CBL: variants seen among roughly 807,000 people sequenced by gnomAD.
The protein encoded by CBL is Cbl proto-oncogene, also known as E3 ubiquitin-protein ligase CBL.
In CBL, 45 loss-of-function variants were observed where a neutral mutation model predicts 96.9. That is an observed-to-expected ratio of 0.46 (90% confidence interval 0.37 to 0.60). CBL has a LOEUF of 0.60. Ranked by LOEUF, CBL falls within the 20% of genes least tolerant of loss-of-function variation. CBL has a pLI of 0.00. For missense variants in CBL, 1,024 were observed against 1,143.5 expected (o/e 0.90, Z 1.51); for synonymous variants, 420 against 426.8 (o/e 0.98, Z 0.20).
intron 2 of CBL, among the ~76,000 whole-genome samples, chr11:119,248,023 A>T (rs1027868849): frequency 1.3e-5 from 2 of 152,244 alleles, no homozygotes; most frequent in African/African-American, 4.8e-5. Context: ...ATGGATTATA[A>T]CTTAGAATTG....
intron 2 of CBL, among the ~76,000 whole-genome samples, chr11:119,265,453 A>G (rs1318964084): frequency 1.3e-5 from 2 of 152,240 alleles, no homozygotes; most frequent in African/African-American, 4.8e-5. Flanking sequence ...CTGTTCATTT[A>G]AATTCCCTAA....
At chr11:119,249,669 T>TC (rs1949657078) in intron 2 of CBL, among the ~76,000 whole-genome samples, 1 of 151,168 alleles carries the variant, frequency 6.6e-6, no homozygotes, top group Non-Finnish European at 1.5e-5. Flanking sequence ...TTTCTTTCTT[T>TC]TTTTTTTTTT....
In CBL at chr11:119,304,488, A is replaced by G; in HGVS notation, c.*4707A>G. On this transcript the variant is annotated 3_prime_UTR_variant, in exon 16 of 16. Transcript: ENST00000264033. ...TTCTTGGGTGGAGCTGGAACTGCAG[A>G]GCTTTGCACCTAGTCCTTTCTCCCG... The G allele has an allele frequency of 4.3e-6, 1 of 233,160 alleles. No homozygotes were observed. Among genetic ancestry groups the G allele is most frequent in the Non-Finnish European group, 8.5e-6 (1 of 118,020 alleles). The allele number at this position is 233,160 out of a possible 1,614,324, so 14.4% of individuals were successfully genotyped here. A position where few individuals can be genotyped will look rare whatever the true frequency, so the allele number is the denominator to read the frequency against.
chr11:119,257,905 G>A (rs1005489263), intron 2 of CBL, among the ~76,000 whole-genome samples: 26 of 152,068 alleles, frequency 1.7e-4, no homozygotes, highest in Admixed American at 6.6e-4. Flanking sequence ...TTCCATTGGT[G>A]TATTAGTCCA....
Position 119,306,714 on chromosome 11 carries a change from C to A in CBL, c.*6933C>A, listed in dbSNP as rs886047807. ...TCTCCTGCTGTCTGGGTGAGTGAGC[C>A]TGCAACGCAATGCCCATGAGAGTAA... On this transcript the variant is annotated 3_prime_UTR_variant, in exon 16 of 16. Coordinates refer to ENST00000264033, the MANE Select transcript of CBL (RefSeq NM_005188.4). The A allele has an allele frequency of 3.9e-6, 1 of 254,378 alleles. No individual in the cohort carries two copies. The highest frequency in any genetic ancestry group is 5.5e-5 in the Admixed American group (1 of 18,262). 15.8% of individuals were successfully genotyped at this position (254,378 alleles called of 1,614,324 possible). A position where few individuals can be genotyped will look rare whatever the true frequency, so the allele number is the denominator to read the frequency against.
chr11:119,285,335 C>T lies in CBL; in HGVS notation c.1710C>T (p.Gly570=), dbSNP rs751529479. 4 of 1,614,140 alleles carry T rather than the reference C, an allele frequency of 2.5e-6. No individual in the cohort carries two copies. Among genetic ancestry groups the T allele is most frequent in the African/African-American group, 1.3e-5 (1 of 75,026 alleles). Reference sequence around the variant, plus strand: ...GACGCCCCTTGCCTTGTACACCAGGCGACTGTCCCTCCAGAGACAAACTGC... The same window carrying T: ...GACGCCCCTTGCCTTGTACACCAGGTGACTGTCCCTCCAGAGACAAACTGC... ...PQRRPLPCTP[G]DCPSRDKLPP... is the part of the protein sequence containing the mutation. The change falls in exon 11 of 16, where the codon GGC becomes GGT. Residue 570 remains glycine (G), a synonymous_variant. Coordinates refer to ENST00000264033, the MANE Select transcript of CBL (RefSeq NM_005188.4).
At chr11:119,238,369 CT>C (rs1168950740) in intron 2 of CBL, among the ~76,000 whole-genome samples, 1 of 151,992 alleles carries the variant, frequency 6.6e-6, no homozygotes, top group African/African-American at 2.4e-5. Flanking sequence ...ACCACAACCC[CT>C]GGCTAAGTTT....
chr11:119,305,267 T>C lies in CBL; in HGVS notation c.*5486T>C, dbSNP rs1262145481. On this transcript the variant is annotated 3_prime_UTR_variant, in exon 16 of 16. Transcript: ENST00000264033. ...TGTCAGTCTTCGCATCCAAGATTTCTTCCCTCCCTCTTGTGGGCCAGCCTG... is the reference window on the plus strand; with the variant it reads ...TGTCAGTCTTCGCATCCAAGATTTCCTCCCTCCCTCTTGTGGGCCAGCCTG... 8.6e-6 allele frequency: 2 copies of C among 231,704 alleles called. No individual in the cohort carries two copies. Among genetic ancestry groups the C allele is most frequent in the African/African-American group, 4.4e-5 (2 of 45,256 alleles). The allele number at this position is 231,704 out of a possible 1,614,324, so 14.4% of individuals were successfully genotyped here. A position where few individuals can be genotyped will look rare whatever the true frequency, so the allele number is the denominator to read the frequency against.
intron 1 of CBL, among the ~76,000 whole-genome samples, chr11:119,211,160 T>G (rs1448914064): frequency 6.6e-6 from 1 of 151,996 alleles, no homozygotes; most frequent in Non-Finnish European, 1.5e-5. Context: ...TCATCTGAGG[T>G]CAGGAGTTCG....
chr11:119,287,999 C>G (rs994321508), intron 12 of CBL, 53 bp downstream of exon 12: 38 of 1,247,862 alleles, frequency 3.0e-5, no homozygotes, highest in Non-Finnish European at 4.1e-5. Context: ...TTGTAAAAAG[C>G]TTACTTGCAG....
At chr11:119,290,674 T>C (rs1950020308) in intron 12 of CBL, among the ~76,000 whole-genome samples, 1 of 150,132 alleles carries the variant, frequency 6.7e-6, no homozygotes. Context: ...TGTTTTGTTT[T>C]GTTTAGTATG....
At chr11:119,211,147 G>A (rs922488360) in intron 1 of CBL, among the ~76,000 whole-genome samples, 7 of 152,084 alleles carry the variant, frequency 4.6e-5, no homozygotes, top group African/African-American at 1.4e-4. Flanking sequence ...CGAGGCAAGC[G>A]GATCATCTGA....
intron 1 of CBL, among the ~76,000 whole-genome samples, chr11:119,227,091 C>T (rs1341325950): frequency 1.3e-5 from 2 of 152,288 alleles, no homozygotes; most frequent in Non-Finnish European, 2.9e-5. Flanking sequence ...GATAGCTATT[C>T]AGTGGAAACT....
At position 119,299,590 on chromosome 11, in the gene CBL, A is replaced by C. The variant is rs587778159; in HGVS notation, c.2530A>C (p.Ser844Arg). Residue 844 changes from serine (S) to arginine (R), a missense_variant, in exon 16 of 16, where the codon AGT (serine) becomes CGT (arginine). Ser to Arg is a moderately radical substitution (Grantham distance 110). Transcript: ENST00000264033. ...ERKAGSCQQG[S>R]GPAASAATAS... is the part of the protein sequence containing the mutation. ...GAAAGCTGGCAGCTGTCAGCAAGGTAGTGGTCCTGCCGCCTCTGCTGCCAC... is the reference window on the plus strand; with the variant it reads ...GAAAGCTGGCAGCTGTCAGCAAGGTCGTGGTCCTGCCGCCTCTGCTGCCAC... 4.3e-6 allele frequency: 7 copies of C among 1,614,076 alleles called. No individual in the cohort carries two copies. The East Asian group carries it at 1.6e-4, about 36-fold the overall frequency.
intron 2 of CBL, among the ~76,000 whole-genome samples, chr11:119,252,769 C>G (rs985942422): frequency 0.22 from 30 of 134 alleles, no homozygotes; most frequent in African/African-American, 0.34. Context: ...ATCTCAGCTA[C>G]TTGGGAGGGC....
chr11:119,272,677 T>G (rs992606035), intron 3 of CBL, among the ~76,000 whole-genome samples: 25 of 152,184 alleles, frequency 1.6e-4, no homozygotes, highest in African/African-American at 6.0e-4. Flanking sequence ...ATATTTTGCT[T>G]TATATTCCCT....
Position 119,283,625 on chromosome 11 carries a change from C to CTTTTTTTTTTTTTTT in CBL, c.1432-1328_1432-1314dup, listed in dbSNP as rs398017760. ...AAATATTAATCCTTTTTAATTCTTT[C>CTTTTTTTTTTTTTTT]TTTTTTTTTTTTTTTTTTTTTTTTT... On this transcript the variant is annotated intron_variant, in intron 9 of 15. Coordinates refer to ENST00000264033, the MANE Select transcript of CBL (RefSeq NM_005188.4). Among the ~76,000 whole-genome samples the CTTTTTTTTTTTTTTT allele has an allele frequency of 1.4e-3, 65 of 45,524 alleles. 7 individuals carry two copies. The highest frequency in any genetic ancestry group is 4.8e-3 in the East Asian group (7 of 1,472). 29.9% of individuals were successfully genotyped at this position (45,524 alleles called of 152,430 possible). A position where few individuals can be genotyped will look rare whatever the true frequency, so the allele number is the denominator to read the frequency against.
In CBL at chr11:119,306,005, G is replaced by A; in HGVS notation, c.*6224G>A. 1 of 340,050 alleles carries A rather than the reference G, an allele frequency of 2.9e-6. No homozygotes were observed. The highest frequency in any genetic ancestry group is 5.3e-6 in the Non-Finnish European group (1 of 188,642). 21.1% of individuals were successfully genotyped at this position (340,050 alleles called of 1,614,324 possible). ...CTAGGCTCCTGAGTTAAGCAGCAGA[G>A]GGACAGCAGTGCCATGTGCCTTCAC... On this transcript the variant is annotated 3_prime_UTR_variant, in exon 16 of 16. Transcript: ENST00000264033.
intron 2 of CBL, among the ~76,000 whole-genome samples, chr11:119,266,622 T>C (rs1327493974): frequency 6.6e-6 from 1 of 152,016 alleles, no homozygotes; most frequent in Non-Finnish European, 1.5e-5. Flanking sequence ...GACACCAGTC[T>C]TGAATTAAAA....
Sources: gnomAD v4.1 joint callset for allele counts (sites outside exome capture counted in the v4.1 genomes callset) on GRCh38, gnomAD v4.1.1 for gene constraint, MANE v1.5 for transcripts, NCBI Gene and HGNC (gene_info 2026-07-23, HGNC 2026-07-21) for gene names.